The following PINX1 variants were observed in gnomAD, a reference collection of about 807,000 sequenced individuals.
PINX1 encodes PIN2/TERF1-interacting telomerase inhibitor 1.
PINX1 carries 34 observed loss-of-function variants against 25.4 expected under a neutral mutation model. The ratio of observed to expected loss-of-function variants is 1.34; its 90% CI spans 1.02 to 1.78. PINX1 has a LOEUF of 1.78. PINX1 is among the 40% of genes most tolerant of loss of function. The pLI is 0.00. For synonymous variants in PINX1, 197 were observed against 147.7 expected, an observed-to-expected ratio of 1.33 and a Z score of -2.42; for missense variants, 592 against 404.9, an observed-to-expected ratio of 1.46 and a Z score of -3.97.
chr8:10,834,531 A>T (rs1798334752), intron 2 of PINX1, 135 bp downstream of exon 2: 1 of 1,306,778 alleles, frequency 7.7e-7, no homozygotes, highest in Non-Finnish European at 1.0e-6. Context: ...AGGTCACAAC[A>T]ATTTTTGATT....
chr8:10,834,442 T>C (rs138419626), intron 2 of PINX1: 355 of 566,560 alleles, frequency 6.3e-4, no homozygotes, highest in Admixed American at 1.0e-3. Context: ...CTAGTTGCAA[T>C]GTCTATGAAA....
chr8:10,776,938 C>G (rs1378517487), intron 6 of PINX1, among the ~76,000 whole-genome samples: 1 of 152,194 alleles, frequency 6.6e-6, no homozygotes, highest in Admixed American at 6.5e-5. Context: ...TTCTGCTTTC[C>G]TGGCAAGAGA....
At chr8:10,818,518 G>GT (rs1797769353) in intron 6 of PINX1, among the ~76,000 whole-genome samples, 1 of 152,158 alleles carries the variant, frequency 6.6e-6, no homozygotes, top group Non-Finnish European at 1.5e-5. Context: ...AAGCCCACAA[G>GT]TAACATTTCC....
At chr8:10,792,531 G>T (rs1189756340) in intron 6 of PINX1, among the ~76,000 whole-genome samples, 1 of 152,050 alleles carries the variant, frequency 6.6e-6, no homozygotes, top group African/African-American at 2.4e-5. Context: ...AGAGCGCCTG[G>T]CACCCGCCAT....
At chr8:10,822,029 G>C (rs1441216432) in intron 5 of PINX1, 1 of 152,228 alleles carries the variant, frequency 6.6e-6, no homozygotes, top group Admixed American at 6.5e-5. Flanking sequence ...AAGTTTTGAT[G>C]ATGGATTCTT....
chr8:10,790,496 C>T (rs774801923), intron 6 of PINX1, among the ~76,000 whole-genome samples: 5 of 152,172 alleles, frequency 3.3e-5, no homozygotes, highest in Non-Finnish European at 7.3e-5. Context: ...TCTGCCCTGC[C>T]GTGCGCTCCT....
intron 6 of PINX1, among the ~76,000 whole-genome samples, chr8:10,805,719 G>A (rs1205199757): frequency 3.7e-5 from 3 of 81,114 alleles, no homozygotes; most frequent in African/African-American, 5.3e-5. Flanking sequence ...CACAGGAAGG[G>A]GCCACACTAG....
At chr8:10,783,537 C>G (rs1801657645) in intron 6 of PINX1, among the ~76,000 whole-genome samples, 1 of 152,228 alleles carries the variant, frequency 6.6e-6, no homozygotes, top group African/African-American at 2.4e-5. Context: ...TCCTTGATCT[C>G]TGCAAGCTGA....
At chr8:10,780,265 G>T (rs911831676) in intron 6 of PINX1, among the ~76,000 whole-genome samples, 1 of 152,074 alleles carries the variant, frequency 6.6e-6, no homozygotes, top group African/African-American at 2.4e-5. Flanking sequence ...AACAGAAATG[G>T]CAAGAATGGA....
chr8:10,798,161 C>T (rs1051983216), intron 6 of PINX1, among the ~76,000 whole-genome samples: 1 of 152,238 alleles, frequency 6.6e-6, no homozygotes, highest in African/African-American at 2.4e-5. Context: ...GAATAAACTG[C>T]TCAGCCAACA....
At chr8:10,820,805 T>G (rs1586194331) in intron 5 of PINX1, among the ~76,000 whole-genome samples, 1 of 152,226 alleles carries the variant, frequency 6.6e-6, no homozygotes, top group African/African-American at 2.4e-5. Context: ...AGAATATATG[T>G]AAATCAAAAA....
chr8:10,832,482 C>T (rs552172542), intron 3 of PINX1, among the ~76,000 whole-genome samples: 16 of 152,312 alleles, frequency 1.1e-4, no homozygotes, highest in African/African-American at 3.8e-4. Flanking sequence ...TATCCCTCAA[C>T]AACTACATTT....
intron 2 of PINX1, 105 bp from the exon 3 acceptor site, chr8:10,833,089 G>T: frequency 1.6e-6 from 1 of 643,228 alleles, no homozygotes. Context: ...GTTCTGAGTT[G>T]ATGATTCTCT....
At position 10,784,022 on chromosome 8, in the gene PINX1, G is replaced by C. The variant is rs545390621; in HGVS notation, c.472-18106C>G. ...TGAGCCTAACAGTGGTTAAAGCCTTGTAAGAATCCCTATAAAGAGTCTAAA... is the reference window on the plus strand; with the variant it reads ...TGAGCCTAACAGTGGTTAAAGCCTTCTAAGAATCCCTATAAAGAGTCTAAA... On this transcript the variant is annotated intron_variant, in intron 6 of 6. Coordinates refer to ENST00000314787, the MANE Select transcript of PINX1 (RefSeq NM_017884.6). Among the ~76,000 whole-genome samples the C allele has an allele frequency of 2.6e-5, 4 of 152,270 alleles. No individual in the cohort carries two copies. In the South Asian group the frequency reaches 8.3e-4, roughly 32 times the overall value.
chr8:10,812,139 C>G (rs894796124), intron 6 of PINX1, among the ~76,000 whole-genome samples: 13 of 152,198 alleles, frequency 8.5e-5, no homozygotes. Context: ...TCTGCTAAGA[C>G]AGATGACTTG....
At chr8:10,826,973 C>T (rs919067320) in intron 4 of PINX1, among the ~76,000 whole-genome samples, 2 of 152,092 alleles carry the variant, frequency 1.3e-5, no homozygotes, top group African/African-American at 4.8e-5. Flanking sequence ...AACCATCCGC[C>T]CATGTACAAA....
chr8:10,771,424 G>A (rs1801218996), intron 6 of PINX1: 1 of 152,234 alleles, frequency 6.6e-6, no homozygotes, highest in Non-Finnish European at 1.5e-5. Context: ...AATCCCAAGT[G>A]AACATCCTTT....
At chr8:10,774,027 A>G (rs1801311406) in intron 6 of PINX1, among the ~76,000 whole-genome samples, 2 of 152,240 alleles carry the variant, frequency 1.3e-5, no homozygotes, top group African/African-American at 2.4e-5. Context: ...ATTCCAGGTC[A>G]AATCGTTCTC....
intron 6 of PINX1, among the ~76,000 whole-genome samples, chr8:10,794,727 T>G (rs532965523): frequency 6.6e-6 from 1 of 152,350 alleles, no homozygotes; most frequent in African/African-American, 2.4e-5. Context: ...TGCGCTCAGC[T>G]GCTGTTACTA....
Sources: gnomAD v4.1 joint callset for allele counts (sites outside exome capture counted in the v4.1 genomes callset) on GRCh38, gnomAD v4.1.1 for gene constraint, MANE v1.5 for transcripts, NCBI Gene and HGNC (gene_info 2026-07-23, HGNC 2026-07-21) for gene names.